Variants in WASF3 observed in about 807,000 individuals in gnomAD.
The protein encoded by WASF3 is WASP family member 3, also known as actin-binding protein WASF3.
In WASF3, 11 loss-of-function variants were observed where a neutral mutation model predicts 46.6. The ratio of observed to expected loss-of-function variants is 0.24; its 90% CI spans 0.15 to 0.39. The LOEUF (loss-of-function observed/expected upper bound fraction) is 0.39. Among genes scored for constraint, WASF3 ranks in the 10% least tolerant of loss-of-function variants. The pLI is 1.00. For missense variants in WASF3, 576 were observed against 669.8 expected, an observed-to-expected ratio of 0.86 and a Z score of 1.55; for synonymous variants, 242 against 259.7, an observed-to-expected ratio of 0.93 and a Z score of 0.65.
intron 1 of WASF3, among the ~76,000 whole-genome samples, chr13:26,604,062 G>A (rs1202041462): frequency 6.6e-6 from 1 of 152,178 alleles, no homozygotes; most frequent in Non-Finnish European, 1.5e-5. Context: ...GTCATAGAAG[G>A]AGTGGAGTTT....
chr13:26,683,752 G>T (rs1245990127), intron 9 of WASF3, among the ~76,000 whole-genome samples: 1 of 152,038 alleles, frequency 6.6e-6, no homozygotes, highest in African/African-American at 2.4e-5. Flanking sequence ...TGAAAGTCCC[G>T]CGTTGACCCC....
At chr13:26,559,788 T>TTTTTTC (rs1555246393) in intron 1 of WASF3, among the ~76,000 whole-genome samples, 2 of 80,508 alleles carry the variant, frequency 2.5e-5, no homozygotes, top group Non-Finnish European at 4.8e-5. Context: ...TTTTCTTTTC[T>TTTTTTC]TTTCTTTCTT....
At chr13:26,576,808 C>T (rs1257535976) in intron 1 of WASF3, 3 of 418,232 alleles carry the variant, frequency 7.2e-6, no homozygotes, top group Non-Finnish European at 1.3e-5. Context: ...ATTCTTTACC[C>T]AGCTTCCTCC....
chr13:26,666,732 T>G (rs1484712811), intron 4 of WASF3, among the ~76,000 whole-genome samples: 1 of 151,986 alleles, frequency 6.6e-6, no homozygotes, highest in Non-Finnish European at 1.5e-5. Context: ...ACCCGGTCTC[T>G]ACTAAAAATA....
At chr13:26,550,862 A>G in the WASF3 span, among the ~76,000 whole-genome samples, 1 of 152,118 alleles carries the variant, frequency 6.6e-6, no homozygotes, top group Admixed American at 6.5e-5. Flanking sequence ...GCATGGGCCA[A>G]TGTGCCTGGA....
At chr13:26,610,735 T>C (rs17084391) in intron 1 of WASF3, among the ~76,000 whole-genome samples, 29,905 of 152,064 alleles carry the variant, frequency 0.2, 3,444 homozygotes, top group East Asian at 0.28. Context: ...TGTATGGAAA[T>C]AGAATTGGAG....
chr13:26,660,357 A>AC (rs1237458229), intron 3 of WASF3, among the ~76,000 whole-genome samples: 1 of 151,980 alleles, frequency 6.6e-6, no homozygotes, highest in Non-Finnish European at 1.5e-5. Flanking sequence ...GCAGGAGGGC[A>AC]CCTGCAGGCT....
At chr13:26,650,482 A>G (rs1257544787) in intron 3 of WASF3, among the ~76,000 whole-genome samples, 1 of 152,212 alleles carries the variant, frequency 6.6e-6, no homozygotes, top group African/African-American at 2.4e-5. Flanking sequence ...AGATTCAGAT[A>G]TGGGAGGAGT....
intron 2 of WASF3, among the ~76,000 whole-genome samples, chr13:26,614,472 C>T (rs898296232): frequency 1.3e-5 from 2 of 152,076 alleles, no homozygotes; most frequent in East Asian, 1.9e-4. Context: ...GAAAGCGTAA[C>T]GTATCAAAAT....
intron 2 of WASF3, among the ~76,000 whole-genome samples, chr13:26,634,063 A>C (rs1359592896): frequency 6.6e-6 from 1 of 151,850 alleles, no homozygotes; most frequent in East Asian, 1.9e-4. Flanking sequence ...TTCTGTCTCG[A>C]TCTGTCTAAT....
At chr13:26,664,159 ACT>A (rs1882706853) in intron 3 of WASF3, among the ~76,000 whole-genome samples, 3 of 152,122 alleles carry the variant, frequency 2.0e-5, no homozygotes, top group Admixed American at 1.3e-4. Flanking sequence ...GTTATTCTTA[ACT>A]CTAATGAAGT....
intron 6 of WASF3, among the ~76,000 whole-genome samples, chr13:26,672,923 G>A (rs1593182894): frequency 6.6e-6 from 1 of 152,154 alleles, no homozygotes; most frequent in South Asian, 2.1e-4. Context: ...GCTGGTTCCG[G>A]GAAAGAGGAT....
intron 3 of WASF3, among the ~76,000 whole-genome samples, chr13:26,650,277 A>G (rs552409703): frequency 8.9e-4 from 135 of 152,292 alleles, no homozygotes; most frequent in Admixed American, 2.6e-3. Flanking sequence ...TAGAAGACTG[A>G]GACCCCAGTC....
At chr13:26,565,081 G>T (rs1403774493) in intron 1 of WASF3, among the ~76,000 whole-genome samples, 2 of 151,466 alleles carry the variant, frequency 1.3e-5, no homozygotes, top group African/African-American at 4.9e-5. Context: ...ACTGTAGGCC[G>T]TGGTGCTATC....
intron 7 of WASF3, among the ~76,000 whole-genome samples, chr13:26,680,416 T>C (rs1403947349): frequency 6.6e-6 from 1 of 152,176 alleles, no homozygotes; most frequent in African/African-American, 2.4e-5. Flanking sequence ...CTGCACCCCA[T>C]GTCTCAGCTC....
At chr13:26,622,237 C>T (rs1282823482) in intron 2 of WASF3, among the ~76,000 whole-genome samples, 1 of 152,186 alleles carries the variant, frequency 6.6e-6, no homozygotes, top group Non-Finnish European at 1.5e-5. Flanking sequence ...GTTCTGCAAA[C>T]TGGTTGTTCT....
chr13:26,584,338 G>C (rs930826001), intron 1 of WASF3, among the ~76,000 whole-genome samples: 4 of 152,140 alleles, frequency 2.6e-5, no homozygotes, highest in Non-Finnish European at 4.4e-5. Flanking sequence ...TAATTCCTGG[G>C]AAATACTAAG....
At chr13:26,597,623 C>T (rs1239538152) in intron 1 of WASF3, among the ~76,000 whole-genome samples, 2 of 152,118 alleles carry the variant, frequency 1.3e-5, no homozygotes, top group African/African-American at 4.8e-5. Flanking sequence ...CCTCTGCCTT[C>T]CCCCAGAACA....
At position 26,627,862 on chromosome 13, in the gene WASF3, T is replaced by C. The variant is rs1300518056; in HGVS notation, c.-10-14399T>C. On this transcript the variant is annotated intron_variant, in intron 2 of 9. Transcript: ENST00000335327. ...GTAACTAACCTGCACAATGTGCACATGTACCCTAAAACTTAAAGTATAATA... is the reference window on the plus strand; with the variant it reads ...GTAACTAACCTGCACAATGTGCACACGTACCCTAAAACTTAAAGTATAATA... Among the ~76,000 whole-genome samples the C allele has an allele frequency of 5.4e-5, 8 of 148,118 alleles. No homozygotes were observed. The South Asian group carries it at 1.1e-3, about 20-fold the overall frequency.
Sources: gnomAD v4.1 joint callset for allele counts (sites outside exome capture counted in the v4.1 genomes callset) on GRCh38, gnomAD v4.1.1 for gene constraint, MANE v1.5 for transcripts, NCBI Gene and HGNC (gene_info 2026-07-23, HGNC 2026-07-21) for gene names.